Variants in ELMO1 observed in about 807,000 individuals in gnomAD.
ELMO1 encodes engulfment and cell motility protein 1.
A neutral mutation model predicts 98.9 loss-of-function variants in ELMO1; 26 were observed. The ratio of observed to expected loss-of-function variants is 0.26; its 90% CI spans 0.19 to 0.36. The LOEUF (loss-of-function observed/expected upper bound fraction) is 0.36. ELMO1 is among the 10% of genes least tolerant of loss of function. ELMO1 has a pLI of 1.00. For missense variants in ELMO1, 627 were observed against 935.2 expected (o/e 0.67, Z 4.30); for synonymous variants, 346 against 346.0 (o/e 1.00, Z 0.00).
At chr7:37,165,995 A>G (rs531651187) in intron 13 of ELMO1, among the ~76,000 whole-genome samples, 52 of 152,096 alleles carry the variant, frequency 3.4e-4, no homozygotes, top group African/African-American at 1.1e-3. Context: ...CCAAGCTATT[A>G]ATTATTGCCA....
In ELMO1 at chr7:37,310,094, G is replaced by A. The variant is rs372461360; in HGVS notation, c.192+4756C>T. Among the ~76,000 whole-genome samples the A allele has an allele frequency of 9.8e-5, 15 of 152,304 alleles. No individual in the cohort carries two copies. In the East Asian group the frequency reaches 2.3e-3, roughly 23 times the overall value. On this transcript the variant is annotated intron_variant, in intron 4 of 21. Coordinates refer to ENST00000310758, the MANE Select transcript of ELMO1 (RefSeq NM_014800.11). ...AAGTGGGAAAGACAAAAAAGGGGGTGCCCCCCAAACAACCCTACTTCCTTA... is the reference window on the plus strand; with the variant it reads ...AAGTGGGAAAGACAAAAAAGGGGGTACCCCCCAAACAACCCTACTTCCTTA...
intron 14 of ELMO1, among the ~76,000 whole-genome samples, chr7:37,127,083 T>G (rs949512408): frequency 6.6e-6 from 1 of 152,246 alleles, no homozygotes; most frequent in Non-Finnish European, 1.5e-5. Context: ...GTCAGATGAC[T>G]GACAATAGGT....
chr7:37,258,917 A>G (rs1213830377), intron 6 of ELMO1, among the ~76,000 whole-genome samples: 2 of 151,922 alleles, frequency 1.3e-5, no homozygotes, highest in African/African-American at 2.4e-5. Flanking sequence ...TAATGGCATG[A>G]TATTTTCCCA....
In ELMO1 at chr7:37,433,101, C is replaced by T. The variant is rs1804999023; in HGVS notation, c.-74+15574G>A. On this transcript the variant is annotated intron_variant, in intron 1 of 21. Coordinates refer to ENST00000310758, the MANE Select transcript of ELMO1 (RefSeq NM_014800.11). ...ACCCAGAGGCTCCTCAACAAGTGACCTTGGGTCTTCAGCAAAATTGAGGAC... is the reference window on the plus strand; with the variant it reads ...ACCCAGAGGCTCCTCAACAAGTGACTTTGGGTCTTCAGCAAAATTGAGGAC... Among the ~76,000 whole-genome samples, 3 of 152,178 alleles carry T rather than the reference C, an allele frequency of 2.0e-5. No individual in the cohort carries two copies. The South Asian group carries it at 6.2e-4, about 32-fold the overall frequency.
chr7:37,082,586 T>C (rs981283164), intron 15 of ELMO1, among the ~76,000 whole-genome samples: 1 of 151,864 alleles, frequency 6.6e-6, no homozygotes, highest in African/African-American at 2.4e-5. Flanking sequence ...TGTGTAAAAA[T>C]TGTGTGTAGT....
intron 4 of ELMO1, among the ~76,000 whole-genome samples, chr7:37,290,610 A>G (rs1027392851): frequency 3.3e-5 from 5 of 152,352 alleles, no homozygotes; most frequent in African/African-American, 1.2e-4. Context: ...CTTACTAAAT[A>G]TACGTATAAA....
At chr7:36,914,670 C>A (rs565115853) in intron 16 of ELMO1, among the ~76,000 whole-genome samples, 1 of 152,044 alleles carries the variant, frequency 6.6e-6, no homozygotes, top group Non-Finnish European at 1.5e-5. Context: ...TGGGCCACCA[C>A]GCCTAGCTAA....
intron 16 of ELMO1, among the ~76,000 whole-genome samples, chr7:36,957,699 C>A (rs564081177): frequency 6.6e-6 from 1 of 152,190 alleles, no homozygotes; most frequent in African/African-American, 2.4e-5. Flanking sequence ...TTCCAATTCA[C>A]TCTCTCTAGT....
intron 13 of ELMO1, among the ~76,000 whole-genome samples, chr7:37,207,803 G>A (rs1459612398): frequency 1.3e-5 from 2 of 152,192 alleles, no homozygotes; most frequent in African/African-American, 2.4e-5. Context: ...TTAGCTGGGT[G>A]TGGTGGTGGG....
chr7:37,110,259 C>A (rs1785176412), intron 14 of ELMO1, among the ~76,000 whole-genome samples: 1 of 152,136 alleles, frequency 6.6e-6, no homozygotes, highest in Non-Finnish European at 1.5e-5. Context: ...CTTAATTAAG[C>A]CTGCCAAGGC....
At chr7:37,399,611 C>A (rs1309183668) in intron 1 of ELMO1, among the ~76,000 whole-genome samples, 1 of 152,196 alleles carries the variant, frequency 6.6e-6, no homozygotes, top group African/African-American at 2.4e-5. Context: ...ATTCAACATG[C>A]AACATGCTTT....
chr7:36,969,881 C>T (rs191782138), intron 16 of ELMO1, among the ~76,000 whole-genome samples: 70 of 151,994 alleles, frequency 4.6e-4, no homozygotes, highest in African/African-American at 1.5e-3. Flanking sequence ...CCCCTTTAGT[C>T]GCTTCCCTGT....
At chr7:37,217,021 A>G (rs952241870) in intron 10 of ELMO1, among the ~76,000 whole-genome samples, 7 of 152,248 alleles carry the variant, frequency 4.6e-5, no homozygotes, top group African/African-American at 1.7e-4. Context: ...AGAAAGCCTC[A>G]TCATCTTTTA....
intron 8 of ELMO1, among the ~76,000 whole-genome samples, chr7:37,230,716 G>A (rs1429363462): frequency 6.6e-6 from 1 of 152,184 alleles, no homozygotes; most frequent in Non-Finnish European, 1.5e-5. Flanking sequence ...CACTCTGGAG[G>A]TAGAAAAGAA....
At chr7:37,421,037 C>T (rs781751811) in intron 1 of ELMO1, among the ~76,000 whole-genome samples, 7 of 152,196 alleles carry the variant, frequency 4.6e-5, no homozygotes, top group Non-Finnish European at 1.0e-4. Flanking sequence ...AGCCCAGAAC[C>T]CTAAGCCACA....
chr7:37,371,315 T>C (rs1210388070), intron 1 of ELMO1, among the ~76,000 whole-genome samples: 2 of 152,348 alleles, frequency 1.3e-5, no homozygotes, highest in East Asian at 3.9e-4. Flanking sequence ...TGAAAAGTAT[T>C]GCTAGCATTC....
intron 13 of ELMO1, among the ~76,000 whole-genome samples, chr7:37,152,743 A>G (rs1328980019): frequency 6.6e-6 from 1 of 152,266 alleles, no homozygotes; most frequent in Non-Finnish European, 1.5e-5. Context: ...TGGTTTAAAA[A>G]AGAAGAAAAT....
In ELMO1 at chr7:37,342,251, A is replaced by C. The variant is rs1800757532; in HGVS notation, c.78+362T>G. On this transcript the variant is annotated intron_variant, in intron 2 of 21. Coordinates refer to ENST00000310758, the MANE Select transcript of ELMO1 (RefSeq NM_014800.11). This position sits in a 1 kb window ranked among gnomAD's most constrained non-coding sequence, Gnocchi z 4.3. Reference sequence around the variant, plus strand: ...GAAAAAAAAGGGATTTTAAAAATTAAGTTTTGTCTTGCCTGTGTTCCAACA... The same window carrying C: ...GAAAAAAAAGGGATTTTAAAAATTACGTTTTGTCTTGCCTGTGTTCCAACA... 6.6e-6 allele frequency among the ~76,000 whole-genome samples: 1 copy of C among 152,224 alleles called. No homozygotes were observed. The highest frequency in any genetic ancestry group is 2.4e-5 in the African/African-American group (1 of 41,460).
intron 16 of ELMO1, among the ~76,000 whole-genome samples, chr7:36,910,208 T>C (rs994431908): frequency 2.0e-5 from 3 of 152,246 alleles, no homozygotes; most frequent in Admixed American, 2.0e-4. Context: ...TCTGCCAAGA[T>C]AGAATTAAGT....
Sources: allele counts gnomAD v4.1 joint callset (sites outside exome capture counted in the v4.1 genomes callset), GRCh38; gene constraint gnomAD v4.1.1; non-coding constraint Gnocchi (gnomAD v3.1); transcripts MANE v1.5; gene names NCBI Gene and HGNC (gene_info 2026-07-23, HGNC 2026-07-21).